Variants in CDC14A observed in about 807,000 individuals in gnomAD.
The protein encoded by CDC14A is dual specificity protein phosphatase CDC14A.
A neutral mutation model predicts 74.4 loss-of-function variants in CDC14A; 53 were observed. The ratio of observed to expected loss-of-function variants is 0.71; its 90% CI spans 0.57 to 0.89. The LOEUF (loss-of-function observed/expected upper bound fraction) is 0.89, where lower values mean the gene tolerates loss of function less well. CDC14A is among the 40% of genes least tolerant of loss of function. CDC14A has a pLI of 0.00. For missense variants in CDC14A, 646 were observed against 713.7 expected (o/e 0.91, Z 1.08); for synonymous variants, 247 against 258.4 (o/e 0.96, Z 0.43).
rs1657957950 is a variant in CDC14A at position 100,393,253 on chromosome 1, C to T, written c.309+2429C>T. On this transcript the variant is annotated intron_variant, in intron 4 of 15. Transcript: ENST00000336454. ...ATATGTTTTCTTAACTTCTGAAGTT[C>T]TTTCTGTGCATGTTCAATCATATGA... The T allele has an allele frequency of 2.7e-6, 4 of 1,474,072 alleles. No homozygotes were observed. In the Admixed American group the frequency reaches 5.0e-5, roughly 18 times the overall value. The allele number at this position is 1,474,072 out of a possible 1,614,324, so 91.3% of individuals were successfully genotyped here. A position where few individuals can be genotyped will look rare whatever the true frequency, so the allele number is the denominator to read the frequency against.
At chr1:100,456,723 G>C (rs913506126) in intron 8 of CDC14A, among the ~76,000 whole-genome samples, 1 of 151,862 alleles carries the variant, frequency 6.6e-6, no homozygotes, top group African/African-American at 2.4e-5. Context: ...ATGCATTTAG[G>C]TTTTATAATT....
At chr1:100,468,183 T>A (rs564761721) in intron 10 of CDC14A, 89 bp downstream of exon 10, 2 of 1,479,242 alleles carry the variant, frequency 1.4e-6, no homozygotes, top group South Asian at 2.4e-5. Context: ...TGTCAGCCTG[T>A]GGTTATAAAA....
chr1:100,382,563 T>G (rs751169024), intron 3 of CDC14A, among the ~76,000 whole-genome samples: 1 of 151,872 alleles, frequency 6.6e-6, no homozygotes, highest in African/African-American at 2.4e-5. Context: ...ATTATTGATT[T>G]CATTTTCCTC....
chr1:100,502,567 T>C (rs1002635190), intron 15 of CDC14A, among the ~76,000 whole-genome samples: 1 of 152,260 alleles, frequency 6.6e-6, no homozygotes, highest in African/African-American at 2.4e-5. Flanking sequence ...AATGTATCTT[T>C]GTCATTAAGT....
intron 4 of CDC14A, among the ~76,000 whole-genome samples, chr1:100,402,835 A>G (rs879566877): frequency 6.6e-6 from 1 of 152,248 alleles, no homozygotes; most frequent in Non-Finnish European, 1.5e-5. Flanking sequence ...AAAAGATTAG[A>G]AACAGCATGC....
At chr1:100,479,961 ACTT>A (rs1203276633) in intron 10 of CDC14A, among the ~76,000 whole-genome samples, 48 of 152,304 alleles carry the variant, frequency 3.2e-4, no homozygotes, top group African/African-American at 1.1e-3. Flanking sequence ...TAGAAGACTG[ACTT>A]TTTAAATTAA....
At chr1:100,452,365 A>T (rs1199145693) in intron 7 of CDC14A, among the ~76,000 whole-genome samples, 1 of 152,080 alleles carries the variant, frequency 6.6e-6, no homozygotes, top group Non-Finnish European at 1.5e-5. Flanking sequence ...CAAAAAAATT[A>T]GTCGGGCCTG....
upstream of CDC14A, among the ~76,000 whole-genome samples, chr1:100,349,536 C>T (rs1319669502): frequency 1.3e-5 from 2 of 152,130 alleles, no homozygotes; most frequent in African/African-American, 4.8e-5. Context: ...ATGTATTATA[C>T]GTGTGCTGTG....
At chr1:100,426,376 G>A (rs1166232610) in intron 5 of CDC14A, among the ~76,000 whole-genome samples, 3 of 152,074 alleles carry the variant, frequency 2.0e-5, no homozygotes, top group Non-Finnish European at 2.9e-5. Flanking sequence ...GCCTCCCAAA[G>A]TGCTGGGATA....
intron 10 of CDC14A, among the ~76,000 whole-genome samples, chr1:100,474,134 T>C (rs144457556): frequency 6.6e-6 from 1 of 152,344 alleles, no homozygotes; most frequent in African/African-American, 2.4e-5. Flanking sequence ...AGATTGTTAA[T>C]ATGGTAGATT....
chr1:100,480,503 T>C (rs1669338659), intron 10 of CDC14A, among the ~76,000 whole-genome samples: 1 of 152,190 alleles, frequency 6.6e-6, no homozygotes, highest in Non-Finnish European at 1.5e-5. Flanking sequence ...TGATTTTGGG[T>C]ATATACCTAA....
chr1:100,457,757 C>T (rs1355667558), intron 8 of CDC14A, among the ~76,000 whole-genome samples: 1 of 151,834 alleles, frequency 6.6e-6, no homozygotes, highest in East Asian at 1.9e-4. Flanking sequence ...GCCACTGAGC[C>T]CAGCCTGTTA....
chr1:100,394,097 C>A, intron 4 of CDC14A: 1 of 200,916 alleles, frequency 5.0e-6, no homozygotes, highest in Admixed American at 6.1e-5. Context: ...CATCTTCTCT[C>A]TCTTCTTTCC....
At chr1:100,388,693 A>G (rs927262206) in intron 3 of CDC14A, among the ~76,000 whole-genome samples, 1 of 152,026 alleles carries the variant, frequency 6.6e-6, no homozygotes, top group South Asian at 2.1e-4. Context: ...TGCAGCCTCC[A>G]TCTCCTGAGC....
At position 100,411,282 on chromosome 1, in the gene CDC14A, C is replaced by T. The variant is rs566074241; in HGVS notation, c.310-12940C>T. On this transcript the variant is annotated intron_variant, in intron 4 of 15. Coordinates refer to ENST00000336454, the MANE Select transcript of CDC14A (RefSeq NM_003672.4). Reference sequence around the variant, plus strand: ...CACTGTTGTGTGAATAACCGCTTACCTCTTTTCTCCTCTATCACTCTTTCT... The same window carrying T: ...CACTGTTGTGTGAATAACCGCTTACTTCTTTTCTCCTCTATCACTCTTTCT... 5.3e-5 allele frequency among the ~76,000 whole-genome samples: 8 copies of T among 152,192 alleles called. No homozygotes were observed. In the South Asian group the frequency reaches 1.2e-3, roughly 24 times the overall value.
chr1:100,364,851 C>T (rs1392224633), intron 2 of CDC14A, among the ~76,000 whole-genome samples: 3 of 152,164 alleles, frequency 2.0e-5, no homozygotes, highest in Non-Finnish European at 4.4e-5. Context: ...GAATTACAGA[C>T]CCTGATACTG....
intron 5 of CDC14A, among the ~76,000 whole-genome samples, chr1:100,435,486 TTGTACAACATTATGAA>T (rs1188865387): frequency 1.3e-5 from 2 of 152,132 alleles, no homozygotes; most frequent in African/African-American, 4.8e-5. Context: ...CTGGTGATGG[TTGTACAACATTATGAA>T]TACACCAAAC....
intron 7 of CDC14A, among the ~76,000 whole-genome samples, chr1:100,448,884 G>A (rs1226559497): frequency 1.3e-5 from 2 of 152,100 alleles, no homozygotes; most frequent in South Asian, 4.1e-4. Context: ...CATGTGTAGG[G>A]TTAAAGCCTT....
chr1:100,515,569 G>T (rs1473561765), intron 15 of CDC14A, among the ~76,000 whole-genome samples: 1 of 151,962 alleles, frequency 6.6e-6, no homozygotes, highest in Non-Finnish European at 1.5e-5. Flanking sequence ...AGTTTTAGTG[G>T]TGATGGAGTT....
Sources: allele counts gnomAD v4.1 joint callset (sites outside exome capture counted in the v4.1 genomes callset), GRCh38; gene constraint gnomAD v4.1.1; transcripts MANE v1.5; gene names NCBI Gene and HGNC (gene_info 2026-07-23, HGNC 2026-07-21).